The following PALS2 variants were observed in gnomAD, a reference collection of about 807,000 sequenced individuals.
PALS2 encodes the protein protein associated with LIN7 2, MAGUK p55 family member.
In PALS2, 27 loss-of-function variants were observed where a neutral mutation model predicts 61.6. The ratio of observed to expected loss-of-function variants is 0.44; its 90% CI spans 0.32 to 0.60. The LOEUF (loss-of-function observed/expected upper bound fraction) is 0.60. Ranked by LOEUF, PALS2 falls within the 20% of genes least tolerant of loss-of-function variation. PALS2 has a pLI of 0.05. For synonymous variants in PALS2, 236 were observed against 218.6 expected (o/e 1.08, Z -0.70); for missense variants, 554 against 639.4 (o/e 0.87, Z 1.44).
intron 1 of PALS2, among the ~76,000 whole-genome samples, chr7:24,607,565 A>G (rs1483050996): frequency 1.4e-5 from 2 of 144,678 alleles, no homozygotes; most frequent in African/African-American, 5.3e-5. Flanking sequence ...ATGTGTATAT[A>G]TACATATATG....
At chr7:24,625,270 A>G (rs771413499) in intron 2 of PALS2, among the ~76,000 whole-genome samples, 4 of 152,008 alleles carry the variant, frequency 2.6e-5, no homozygotes, top group Non-Finnish European at 4.4e-5. Context: ...ATTGTCAGTT[A>G]TTGTCCATGT....
At chr7:24,634,287 G>T (rs1785140303) in intron 2 of PALS2, among the ~76,000 whole-genome samples, 1 of 152,136 alleles carries the variant, frequency 6.6e-6, no homozygotes, top group African/African-American at 2.4e-5. Flanking sequence ...CTGGAGTGCA[G>T]TGGCACGATC....
intron 1 of PALS2, among the ~76,000 whole-genome samples, chr7:24,584,172 T>C (rs2128040625): frequency 6.8e-6 from 1 of 147,124 alleles, no homozygotes; most frequent in Middle Eastern, 3.5e-3. Context: ...TTTGGGTATA[T>C]ACCCAGTAAT....
At chr7:24,610,953 A>G (rs1784090801) in intron 1 of PALS2, among the ~76,000 whole-genome samples, 1 of 152,262 alleles carries the variant, frequency 6.6e-6, no homozygotes, top group African/African-American at 2.4e-5. Context: ...TTAACATCTT[A>G]TGAATGCTTA....
intron 1 of PALS2, among the ~76,000 whole-genome samples, chr7:24,583,662 A>ATTT (rs11407533): frequency 1.1e-4 from 16 of 143,620 alleles, no homozygotes; most frequent in African/African-American, 2.9e-4. Context: ...TATTTATTTA[A>ATTT]TTTTTTTTTT....
At position 24,661,194 on chromosome 7, in the gene PALS2, G is replaced by A. The variant is rs545899892; in HGVS notation, c.652-2396G>A. On this transcript the variant is annotated intron_variant, in intron 5 of 11. Coordinates refer to ENST00000222644, the MANE Select transcript of PALS2 (RefSeq NM_001303037.2). ...TACTAAATCTAGTCATATCTTTAAT[G>A]GTTTTAGAGTCATTACAAAATGGTT... Among the ~76,000 whole-genome samples, 89 of 152,068 alleles carry A rather than the reference G, an allele frequency of 5.9e-4. 6 individuals carry two copies. In the South Asian group the frequency reaches 0.015, roughly 25 times the overall value.
In PALS2 at chr7:24,663,640, A is replaced by G; in HGVS notation, c.702A>G (p.Ile234Met). 2 of 1,595,688 alleles carry G rather than the reference A, an allele frequency of 1.3e-6. No individual in the cohort carries two copies. Among genetic ancestry groups the G allele is most frequent in the South Asian group, 2.2e-5 (2 of 90,642 alleles). The part of the protein sequence containing the change: ...FDYNPYNDNL[I>M]PCKEAGLKFS... ...ATAATCCATACAATGACAACCTAATACCTTGCAAAGAAGCAGGATTGAAGT... is the reference window on the plus strand; with the variant it reads ...ATAATCCATACAATGACAACCTAATGCCTTGCAAAGAAGCAGGATTGAAGT... Residue 234 changes from isoleucine (I) to methionine (M), a missense_variant, in exon 6 of 12, where the codon ATA becomes ATG. Ile to Met is a conservative substitution (Grantham distance 10, BLOSUM62 1). Coordinates refer to ENST00000222644, the MANE Select transcript of PALS2 (RefSeq NM_001303037.2).
intron 9 of PALS2, among the ~76,000 whole-genome samples, chr7:24,676,529 A>G (rs1787604129): frequency 6.6e-6 from 1 of 151,988 alleles, no homozygotes; most frequent in African/African-American, 2.4e-5. Flanking sequence ...TAAGTCTTTA[A>G]TCCATCTTGA....
At chr7:24,655,659 T>TA (rs1786378348) in intron 5 of PALS2, among the ~76,000 whole-genome samples, 1 of 123,688 alleles carries the variant, frequency 8.1e-6, no homozygotes, top group South Asian at 3.0e-4. Context: ...TTTTTTGAGA[T>TA]AGAGTCTAGC....
chr7:24,678,861 G>A (rs1274856357), intron 9 of PALS2, among the ~76,000 whole-genome samples: 1 of 152,128 alleles, frequency 6.6e-6, no homozygotes, highest in African/African-American at 2.4e-5. Context: ...GGGCCACATG[G>A]TAAAGTTTTA....
intron 1 of PALS2, among the ~76,000 whole-genome samples, chr7:24,622,394 A>G (rs991250907): frequency 6.6e-6 from 1 of 151,900 alleles, no homozygotes; most frequent in Admixed American, 6.6e-5. Flanking sequence ...CTTCTGTTAC[A>G]TCTATTTCTC....
At chr7:24,611,739 G>A (rs1784119759) in intron 1 of PALS2, among the ~76,000 whole-genome samples, 1 of 151,978 alleles carries the variant, frequency 6.6e-6, no homozygotes, top group Non-Finnish European at 1.5e-5. Context: ...TGTGAATTAG[G>A]TATGCAAAGA....
intron 2 of PALS2, among the ~76,000 whole-genome samples, chr7:24,624,348 A>T (rs1271505631): frequency 6.6e-6 from 1 of 152,152 alleles, no homozygotes; most frequent in African/African-American, 2.4e-5. Flanking sequence ...CTATTTTACA[A>T]ACCTGCTATA....
intron 1 of PALS2, among the ~76,000 whole-genome samples, chr7:24,606,434 A>G (rs934978585): frequency 4.6e-5 from 7 of 152,150 alleles, no homozygotes; most frequent in Non-Finnish European, 8.8e-5. Context: ...TTTAAGTACT[A>G]TCTTTATATT....
intron 2 of PALS2, among the ~76,000 whole-genome samples, chr7:24,631,451 T>G (rs1784993631): frequency 6.6e-6 from 1 of 152,228 alleles, no homozygotes; most frequent in African/African-American, 2.4e-5. Flanking sequence ...AAGAAAGTGG[T>G]CTCTTCAGAT....
At position 24,668,539 on chromosome 7, in the gene PALS2, CA is replaced by C; in HGVS notation, c.997del (p.Met333CysfsTer9). 1 of 1,613,490 alleles carries C rather than the reference CA, an allele frequency of 6.2e-7. No homozygotes were observed. Among genetic ancestry groups the C allele is most frequent in the Non-Finnish European group, 8.5e-7 (1 of 1,179,694 alleles). On this transcript the variant is annotated frameshift_variant, in exon 9 of 12. Coordinates refer to ENST00000222644, the MANE Select transcript of PALS2 (RefSeq NM_001303037.2). LOFTEE classifies it high-confidence loss of function. ...HEIQIYEEVA[K>X]MPPFQRKTLV... The stretch of plus-strand genomic sequence containing the variant: ...AAATCCAGATATATGAGGAGGTAGC[CA>C]AAATGCCTCCCTTCCAGAGAAAAAC...
chr7:24,618,286 T>C lies in PALS2; in HGVS notation c.-2-5380T>C, dbSNP rs2128054774. ...GTCCACCAGACTGTTTGACCAGAAG[T>C]GCTGGCAGCAGGGATTGGTTTCCTT... On this transcript the variant is annotated intron_variant, in intron 1 of 11. Transcript: ENST00000222644. The surrounding 1 kb of genome is among the most constrained non-coding windows in gnomAD (Gnocchi z 5.1). Among the ~76,000 whole-genome samples, 1 of 152,268 alleles carries C rather than the reference T, an allele frequency of 6.6e-6. No homozygotes were observed. Among genetic ancestry groups the C allele is most frequent in the Non-Finnish European group, 1.5e-5 (1 of 68,008 alleles).
intron 9 of PALS2, among the ~76,000 whole-genome samples, chr7:24,676,918 C>G (rs1010113596): frequency 6.6e-6 from 1 of 151,104 alleles, no homozygotes; most frequent in Non-Finnish European, 1.5e-5. Flanking sequence ...TGAAGAAAGG[C>G]ATTGGTAGCT....
At chr7:24,636,079 G>A (rs1394284154) in intron 2 of PALS2, among the ~76,000 whole-genome samples, 1 of 151,946 alleles carries the variant, frequency 6.6e-6, no homozygotes, top group African/African-American at 2.4e-5. Context: ...AGGCATGGTG[G>A]CGCATGCCTG....
Sources: gnomAD v4.1 joint callset for allele counts (sites outside exome capture counted in the v4.1 genomes callset) on GRCh38, gnomAD v4.1.1 for gene constraint, Gnocchi (gnomAD v3.1) non-coding constraint, MANE v1.5 for transcripts, NCBI Gene and HGNC (gene_info 2026-07-23, HGNC 2026-07-21) for gene names.